The following TLDC2 variants were observed in gnomAD, a reference collection of about 807,000 sequenced individuals.
TLDC2 encodes TLD domain-containing protein 2.
A neutral mutation model predicts 27.9 loss-of-function variants in TLDC2; 23 were observed. The observed-to-expected ratio is 0.82, with a 90% confidence interval of 0.59 to 1.17. The LOEUF is 1.17. Among genes scored for constraint, TLDC2 ranks in the 50% most tolerant of loss-of-function variants. TLDC2 has a pLI of 0.00. For synonymous variants in TLDC2, 124 were observed against 107.4 expected, an observed-to-expected ratio of 1.16 and a Z score of -0.96; for missense variants, 286 against 273.4, an observed-to-expected ratio of 1.05 and a Z score of -0.32.
At chr20:36,888,945 C>G (rs1233707636) in intron 5 of TLDC2, among the ~76,000 whole-genome samples, 1 of 151,892 alleles carries the variant, frequency 6.6e-6, no homozygotes, top group Admixed American at 6.6e-5. Flanking sequence ...TTGCTTGAAC[C>G]CGGGAGGTGG....
intron 6 of TLDC2, chr20:36,889,718 A>T (rs929462395): frequency 4.8e-6 from 1 of 207,076 alleles, no homozygotes; most frequent in African/African-American, 2.3e-5. Context: ...ATTTTTCACT[A>T]TGCTGTTCCT....
At chr20:36,878,684 A>C (rs954275830) in intron 2 of TLDC2, among the ~76,000 whole-genome samples, 6 of 151,880 alleles carry the variant, frequency 4.0e-5, no homozygotes, top group Admixed American at 3.9e-4. Context: ...GATCAGGAGG[A>C]GGGTTCAGCA....
chr20:36,893,163 G>C lies in TLDC2; in HGVS notation c.*319G>C, dbSNP rs895922901. The C allele has an allele frequency of 3.4e-6, 5 of 1,454,094 alleles. No homozygotes were observed. The highest frequency in any genetic ancestry group is 4.8e-6 in the Non-Finnish European group (5 of 1,050,430). 90.1% of individuals were successfully genotyped at this position (1,454,094 alleles called of 1,614,324 possible). On this transcript the variant is annotated 3_prime_UTR_variant, in exon 7 of 7. Transcript: ENST00000217320. ...TCTCAAGTGCGCACATCCTCATCTTGCATATAGATTGCTTCTAGCTGTCCT... is the reference window on the plus strand; with the variant it reads ...TCTCAAGTGCGCACATCCTCATCTTCCATATAGATTGCTTCTAGCTGTCCT...
At chr20:36,889,909 A>ATG (rs145364344) in intron 6 of TLDC2, 85,992 of 150,394 alleles carry the variant, frequency 0.57, 25,694 homozygotes, top group South Asian at 0.73. Context: ...TGTTCCATGA[A>ATG]TGTGTGTGTG....
chr20:36,880,070 C>CATATATATATATATATATATGT (rs1989768563), intron 3 of TLDC2, among the ~76,000 whole-genome samples: 52 of 73,060 alleles, frequency 7.1e-4, no homozygotes, highest in Non-Finnish European at 9.7e-4. Context: ...TATATATATA[C>CATATATATATATATATATATGT]ATATATATAT....
At position 36,879,138 on chromosome 20, in the gene TLDC2, G is replaced by A. The variant is rs147682253; in HGVS notation, c.287G>A (p.Arg96Gln). The change falls in exon 3 of 7, where the codon CGG (arginine) becomes CAG (glutamine). Residue 96 changes from arginine (R) to glutamine (Q), a missense_variant. Coordinates refer to ENST00000217320, the MANE Select transcript of TLDC2 (RefSeq NM_080628.3). ...DGFSLQSLYR[R>Q]MEGCSGPVLL... ...TTCAGCCTGCAGAGCCTGTACCGGC[G>A]GATGGAGGGCTGCAGCGGGCCAGTG... 2.4e-5 allele frequency: 39 copies of A among 1,614,140 alleles called. No homozygotes were observed. Among genetic ancestry groups the A allele is most frequent in the Middle Eastern group, 1.6e-4 (1 of 6,062 alleles).
Position 36,882,983 on chromosome 20 carries a change from A to T in TLDC2, c.438+2233A>T, listed in dbSNP as rs114283695. On this transcript the variant is annotated intron_variant, in intron 4 of 6. Transcript: ENST00000217320. ...CATCAGAGCTCAGGTGTTGGTTCTC[A>T]TCTCTTCTCTAGTGACCCTCATTTC... Among the ~76,000 whole-genome samples the T allele has an allele frequency of 4.4e-3, 661 of 151,882 alleles. 3 individuals are homozygous for T. The highest frequency in any genetic ancestry group is 0.013 in the African/African-American group (527 of 41,422).
In TLDC2 at chr20:36,893,719, G is replaced by A. The variant is rs1990137025; in HGVS notation, c.*875G>A. ...AGATCTTCTTTGGTTACAAGATGAT[G>A]CACGATCTTGGAGAGCCTCTGTTGT... On this transcript the variant is annotated 3_prime_UTR_variant, in exon 7 of 7. Transcript: ENST00000217320. The A allele has an allele frequency of 2.5e-6, 1 of 393,804 alleles. No individual in the cohort carries two copies. Among genetic ancestry groups the A allele is most frequent in the Non-Finnish European group, 4.5e-6 (1 of 223,928 alleles). 24.4% of individuals were successfully genotyped at this position (393,804 alleles called of 1,614,324 possible).
At position 36,893,156 on chromosome 20, in the gene TLDC2, T is replaced by G; in HGVS notation, c.*312T>G. 1 of 1,487,008 alleles carries G rather than the reference T, an allele frequency of 6.7e-7. No individual in the cohort carries two copies. Among genetic ancestry groups the G allele is most frequent in the Middle Eastern group, 1.8e-4 (1 of 5,454 alleles). The allele number at this position is 1,487,008 out of a possible 1,614,324, so 92.1% of individuals were successfully genotyped here. A position where few individuals can be genotyped will look rare whatever the true frequency, so the allele number is the denominator to read the frequency against. On this transcript the variant is annotated 3_prime_UTR_variant, in exon 7 of 7. Transcript: ENST00000217320. Reference sequence around the variant, plus strand: ...GTGAAAGTCTCAAGTGCGCACATCCTCATCTTGCATATAGATTGCTTCTAG... The same window carrying G: ...GTGAAAGTCTCAAGTGCGCACATCCGCATCTTGCATATAGATTGCTTCTAG...
chr20:36,893,718 T>C lies in TLDC2; in HGVS notation c.*874T>C, dbSNP rs1990136927. ...TAGATCTTCTTTGGTTACAAGATGA[T>C]GCACGATCTTGGAGAGCCTCTGTTG... On this transcript the variant is annotated 3_prime_UTR_variant, in exon 7 of 7. Coordinates refer to ENST00000217320, the MANE Select transcript of TLDC2 (RefSeq NM_080628.3). 1 of 394,572 alleles carries C rather than the reference T, an allele frequency of 2.5e-6. No homozygotes were observed. 24.4% of individuals were successfully genotyped at this position (394,572 alleles called of 1,614,324 possible).
intron 1 of TLDC2, among the ~76,000 whole-genome samples, chr20:36,876,902 A>C (rs1989681585): frequency 1.3e-5 from 2 of 152,080 alleles, no homozygotes; most frequent in Admixed American, 1.3e-4. Context: ...ACAAATTTAC[A>C]CTCAATACCT....
At chr20:36,889,229 A>G (rs1298063491) in intron 5 of TLDC2, 22 bp from the exon 6 acceptor site, 1 of 1,613,360 alleles carries the variant, frequency 6.2e-7, no homozygotes, top group Admixed American at 1.7e-5. Context: ...GAGCCGCACC[A>G]AGACTGTCCT....
At chr20:36,883,516 T>A (rs745414626) in intron 4 of TLDC2, among the ~76,000 whole-genome samples, 9 of 152,100 alleles carry the variant, frequency 5.9e-5, no homozygotes, top group Non-Finnish European at 1.3e-4. Flanking sequence ...TCCTGCTATC[T>A]TCCCCCATCA....
At chr20:36,886,795 T>C (rs1290010423) in intron 4 of TLDC2, among the ~76,000 whole-genome samples, 2 of 152,080 alleles carry the variant, frequency 1.3e-5, no homozygotes, top group African/African-American at 2.4e-5. Context: ...CATGAGCCAC[T>C]GCGCCAGTCC....
chr20:36,883,998 G>T (rs1303441596), intron 4 of TLDC2, among the ~76,000 whole-genome samples: 1 of 152,220 alleles, frequency 6.6e-6, no homozygotes, highest in Non-Finnish European at 1.5e-5. Context: ...GGAGGCTGAG[G>T]CATGAGAATC....
At chr20:36,879,287 G>C (rs1354854388) in intron 3 of TLDC2, 94 bp downstream of exon 3, 5 of 1,461,246 alleles carry the variant, frequency 3.4e-6, no homozygotes, top group Non-Finnish European at 4.5e-6. Flanking sequence ...CAAGCAGGCA[G>C]AGTGACAGAC....
chr20:36,882,508 C>A (rs753895949), intron 4 of TLDC2, among the ~76,000 whole-genome samples: 4 of 152,100 alleles, frequency 2.6e-5, no homozygotes, highest in Non-Finnish European at 5.9e-5. Flanking sequence ...GCCTGGGCAA[C>A]AGAGTGAGAT....
rs141913192 is a variant in TLDC2, at chr20:36,887,076, C to T, written c.439-379C>T. Among the ~76,000 whole-genome samples, 66 of 152,152 alleles carry T rather than the reference C, an allele frequency of 4.3e-4. No individual in the cohort carries two copies. In the East Asian group the frequency reaches 0.01, roughly 24 times the overall value. On this transcript the variant is annotated intron_variant, in intron 4 of 6. Coordinates refer to ENST00000217320, the MANE Select transcript of TLDC2 (RefSeq NM_080628.3). ...GCTTGTTGATGAGCTGGATGTGAGG[C>T]AGCACTGAAGAGCAGGCGGGCTGGT... is the stretch of plus-strand genomic sequence containing the variant.
chr20:36,893,916 G>C lies in TLDC2; in HGVS notation c.*1072G>C, dbSNP rs1302989246. 1 of 398,586 alleles carries C rather than the reference G, an allele frequency of 2.5e-6. No homozygotes were observed. The highest frequency in any genetic ancestry group is 4.4e-6 in the Non-Finnish European group (1 of 226,094). The allele number at this position is 398,586 out of a possible 1,614,324, so 24.7% of individuals were successfully genotyped here. A position where few individuals can be genotyped will look rare whatever the true frequency, so the allele number is the denominator to read the frequency against. ...TCCAGTTAGATTTGGTCAGTGGGAG[G>C]CTCTGGTGGGAGACTGGAGGTGAGA... On this transcript the variant is annotated 3_prime_UTR_variant, in exon 7 of 7. Transcript: ENST00000217320.
Sources: gnomAD v4.1 joint callset for allele counts (sites outside exome capture counted in the v4.1 genomes callset) on GRCh38, gnomAD v4.1.1 for gene constraint, MANE v1.5 for transcripts, NCBI Gene and HGNC (gene_info 2026-07-23, HGNC 2026-07-21) for gene names.